MAP3K13: variants seen among roughly 807,000 people sequenced by gnomAD.
MAP3K13 encodes leucine zipper-bearing kinase.
Under a neutral mutation model 104.0 loss-of-function variants are expected in MAP3K13, and 52 were observed. The ratio of observed to expected loss-of-function variants is 0.50; its 90% CI spans 0.40 to 0.63. The LOEUF is 0.63. Among genes scored for constraint, MAP3K13 ranks in the 20% least tolerant of loss-of-function variants. The pLI, the probability that MAP3K13 is intolerant of heterozygous loss-of-function variation, is 0.00. For synonymous variants in MAP3K13, 394 were observed against 442.2 expected, an observed-to-expected ratio of 0.89 and a Z score of 1.37; for missense variants, 914 against 1,218.5, an observed-to-expected ratio of 0.75 and a Z score of 3.72.
intron 11 of MAP3K13, among the ~76,000 whole-genome samples, chr3:185,476,107 T>G (rs1255591039): frequency 6.6e-6 from 1 of 152,102 alleles, no homozygotes; most frequent in Non-Finnish European, 1.5e-5. Context: ...CCCCACACCC[T>G]TTAGCAGTCA....
intron 2 of MAP3K13, among the ~76,000 whole-genome samples, chr3:185,340,873 C>T (rs1178080031): frequency 6.6e-6 from 1 of 152,124 alleles, no homozygotes; most frequent in Admixed American, 6.6e-5. Flanking sequence ...CCTGAGGCCT[C>T]CCCAGCAATG....
At chr3:185,451,440 A>C in intron 7 of MAP3K13, 45 bp downstream of exon 7, 1 of 1,282,324 alleles carries the variant, frequency 7.8e-7, no homozygotes, top group Non-Finnish European at 1.1e-6. Context: ...ACAGATAGAG[A>C]ACTCTCAATG....
At chr3:185,427,091 G>A (rs1374144680) in intron 1 of MAP3K13, among the ~76,000 whole-genome samples, 2 of 152,090 alleles carry the variant, frequency 1.3e-5, no homozygotes, top group African/African-American at 4.8e-5. Context: ...AGTGGCCCAT[G>A]CCTGTAATCC....
At chr3:185,419,897 T>C (rs1301470577) in intron 1 of MAP3K13, among the ~76,000 whole-genome samples, 1 of 152,176 alleles carries the variant, frequency 6.6e-6, no homozygotes, top group African/African-American at 2.4e-5. Context: ...AGACTACTAC[T>C]CTGAAAATGA....
At position 185,482,322 on chromosome 3, in the gene MAP3K13, G is replaced by A. The variant is rs765149385; in HGVS notation, c.2800-33G>A. On this transcript the variant is annotated intron_variant, in intron 13 of 13. Transcript: ENST00000265026. This position sits in a 1 kb window ranked among gnomAD's most constrained non-coding sequence, Gnocchi z 4.5. ...GACATATATTTACTGAGTGATTATC[G>A]AAATGAATTAAGGTTTTGTCTTGCC... 4 of 1,465,638 alleles carry A rather than the reference G, an allele frequency of 2.7e-6. No homozygotes were observed. Among genetic ancestry groups the A allele is most frequent in the South Asian group, 1.1e-5 (1 of 87,974 alleles). 90.8% of individuals were successfully genotyped at this position (1,465,638 alleles called of 1,614,324 possible). A position where few individuals can be genotyped will look rare whatever the true frequency, so the allele number is the denominator to read the frequency against.
In MAP3K13 at chr3:185,473,950, C is replaced by T. The variant is rs768399647; in HGVS notation, c.2430+189C>T. Among the ~76,000 whole-genome samples, 5 of 152,134 alleles carry T rather than the reference C, an allele frequency of 3.3e-5. No homozygotes were observed. Among genetic ancestry groups the T allele is most frequent in the African/African-American group, 9.7e-5 (4 of 41,410 alleles). ...TCCACACTGTTTAAGTGATAAACTA[C>T]GGAATACACTTTAGCAACTACTGAA... On this transcript the variant is annotated intron_variant, in intron 11 of 13. Coordinates refer to ENST00000265026, the MANE Select transcript of MAP3K13 (RefSeq NM_004721.5). The surrounding 1 kb of genome is among the most constrained non-coding windows in gnomAD (Gnocchi z 4.9).
intron 1 of MAP3K13, among the ~76,000 whole-genome samples, chr3:185,390,048 C>A (rs1711950778): frequency 6.6e-6 from 1 of 152,098 alleles, no homozygotes; most frequent in African/African-American, 2.4e-5. Flanking sequence ...CACGGGGGAT[C>A]TCCACTGTCT....
chr3:185,305,296 G>A (rs577659841), intron 2 of MAP3K13, among the ~76,000 whole-genome samples: 9 of 152,092 alleles, frequency 5.9e-5, no homozygotes, highest in Non-Finnish European at 1.2e-4. Context: ...TATTTTCTTG[G>A]TGTTTACAAT....
At chr3:185,402,327 GT>G (rs552052113) in intron 1 of MAP3K13, among the ~76,000 whole-genome samples, 3 of 151,770 alleles carry the variant, frequency 2.0e-5, no homozygotes, top group African/African-American at 7.2e-5. Context: ...TATTGTCAGG[GT>G]TTTTTTTCTA....
chr3:185,304,316 G>A (rs1292183576), intron 2 of MAP3K13, among the ~76,000 whole-genome samples: 1 of 152,104 alleles, frequency 6.6e-6, no homozygotes, highest in Non-Finnish European at 1.5e-5. Context: ...TATTCTGTAC[G>A]TCTGTTAATA....
At chr3:185,463,504 A>G in intron 7 of MAP3K13, 46 bp from the exon 8 acceptor site, 1 of 1,155,588 alleles carries the variant, frequency 8.7e-7, no homozygotes, top group Non-Finnish European at 1.3e-6. Context: ...TATATCAGGG[A>G]TTGAAACTCC....
Position 185,477,317 on chromosome 3 carries a change from TCTC to T in MAP3K13, c.2431-5_2431-3del, listed in dbSNP as rs1241302992. ...AATAAATAAAACTCTTAATCCTTGTTCTCCTCAGAGTGGAGATGACTCCTCAGA... is the reference window on the plus strand; with the variant it reads ...AATAAATAAAACTCTTAATCCTTGTTCTCAGAGTGGAGATGACTCCTCAGA... On this transcript the variant is annotated splice_region_variant and splice_polypyrimidine_tract_variant and intron_variant, in intron 11 of 13. Coordinates refer to ENST00000265026, the MANE Select transcript of MAP3K13 (RefSeq NM_004721.5). 3.2e-6 allele frequency: 5 copies of T among 1,576,018 alleles called. No homozygotes were observed. In the South Asian group the frequency reaches 4.4e-5, roughly 14 times the overall value.
chr3:185,432,393 G>A (rs1714797516), intron 2 of MAP3K13, among the ~76,000 whole-genome samples: 1 of 151,846 alleles, frequency 6.6e-6, no homozygotes, highest in African/African-American at 2.4e-5. Context: ...GTTTCACCAT[G>A]TTGGCCAGGC....
chr3:185,285,580 A>C (rs1470489713), exon 2 of MAP3K13: 6 of 1,529,508 alleles, frequency 3.9e-6, no homozygotes, highest in Non-Finnish European at 5.3e-6. Flanking sequence ...CCCACGGACC[A>C]TTAATGGACA....
intron 2 of MAP3K13, among the ~76,000 whole-genome samples, chr3:185,337,937 A>C (rs537957032): frequency 1.3e-5 from 2 of 152,330 alleles, no homozygotes; most frequent in East Asian, 3.9e-4. Flanking sequence ...TCATCAAGGA[A>C]AGACCATAAA....
At chr3:185,452,889 G>A (rs1715972638) in intron 7 of MAP3K13, among the ~76,000 whole-genome samples, 1 of 152,140 alleles carries the variant, frequency 6.6e-6, no homozygotes, top group Non-Finnish European at 1.5e-5. Context: ...CATTATTCCT[G>A]CTAATGTTCC....
rs1718697731 is a variant in MAP3K13 at position 185,485,969 on chromosome 3, C to T, written c.*3513C>T. The T allele has an allele frequency of 6.6e-6, 1 of 152,196 alleles. No homozygotes were observed. Among genetic ancestry groups the T allele is most frequent in the African/African-American group, 2.4e-5 (1 of 41,446 alleles). 9.4% of individuals were successfully genotyped at this position (152,196 alleles called of 1,614,324 possible). ...CTTGAAAGGCTATATTTTCCATCCT[C>T]TTGACTTCAGATCTCACTGTACTGT... On this transcript the variant is annotated 3_prime_UTR_variant, in exon 14 of 14. Coordinates refer to ENST00000265026, the MANE Select transcript of MAP3K13 (RefSeq NM_004721.5).
At chr3:185,309,135 T>A (rs1206178581) in intron 2 of MAP3K13, among the ~76,000 whole-genome samples, 1 of 152,170 alleles carries the variant, frequency 6.6e-6, no homozygotes, top group Non-Finnish European at 1.5e-5. Flanking sequence ...AAGGTCACAT[T>A]CACAGGTGCC....
chr3:185,395,753 C>T (rs1329419228), intron 1 of MAP3K13, among the ~76,000 whole-genome samples: 3 of 151,662 alleles, frequency 2.0e-5, no homozygotes, highest in African/African-American at 4.8e-5. Flanking sequence ...GGTGCAGTCT[C>T]GGCTTTCTGC....
Sources: allele counts gnomAD v4.1 joint callset (sites outside exome capture counted in the v4.1 genomes callset), GRCh38; gene constraint gnomAD v4.1.1; non-coding constraint Gnocchi (gnomAD v3.1); transcripts MANE v1.5; gene names NCBI Gene and HGNC (gene_info 2026-07-23, HGNC 2026-07-21).